The following ADGRG6 variants were observed in gnomAD, a reference collection of about 807,000 sequenced individuals.
ADGRG6 encodes G-protein coupled receptor 126.
Under a neutral mutation model 142.4 loss-of-function variants are expected in ADGRG6, and 84 were observed. That is an observed-to-expected ratio of 0.59 (90% confidence interval 0.49 to 0.71). The LOEUF (loss-of-function observed/expected upper bound fraction) is 0.71, where lower values mean the gene tolerates loss of function less well. ADGRG6 is among the 30% of genes least tolerant of loss of function. The pLI, the probability that ADGRG6 is intolerant of heterozygous loss-of-function variation, is 0.00. For missense variants in ADGRG6, 1,367 were observed against 1,466.6 expected (o/e 0.93, Z 1.11); for synonymous variants, 521 against 520.5 (o/e 1.00, Z -0.01).
At chr6:142,337,187 T>C (rs1447216638) in intron 2 of ADGRG6, among the ~76,000 whole-genome samples, 2 of 152,342 alleles carry the variant, frequency 1.3e-5, no homozygotes, top group East Asian at 1.9e-4. Flanking sequence ...TATACTGTTA[T>C]GTGTCTTCAA....
At position 142,383,051 on chromosome 6, in the gene ADGRG6, A is replaced by T. The variant is rs1179945779; in HGVS notation, c.1139-709A>T. 2.6e-5 allele frequency among the ~76,000 whole-genome samples: 4 copies of T among 152,164 alleles called. No homozygotes were observed. In the East Asian group the frequency reaches 7.7e-4, roughly 29 times the overall value. On this transcript the variant is annotated intron_variant, in intron 5 of 24. Transcript: ENST00000367609. ...TGGTTTTCAAATTGTTATATGAAAT[A>T]AAAAAATCTGTAATTCTGTTTAGTT...
chr6:142,314,776 A>G (rs183152147), intron 2 of ADGRG6, among the ~76,000 whole-genome samples: 10 of 152,306 alleles, frequency 6.6e-5, no homozygotes, highest in African/African-American at 2.4e-4. Flanking sequence ...TAAGTATCTC[A>G]AAGAGCAGAA....
At chr6:142,362,637 G>C (rs909108976) in intron 2 of ADGRG6, among the ~76,000 whole-genome samples, 5 of 152,156 alleles carry the variant, frequency 3.3e-5, no homozygotes, top group Non-Finnish European at 7.4e-5. Context: ...GAAAAATCTG[G>C]ATAGTGGTCT....
intron 22 of ADGRG6, among the ~76,000 whole-genome samples, chr6:142,429,051 G>A (rs1291111446): frequency 6.6e-6 from 1 of 152,048 alleles, no homozygotes; most frequent in Non-Finnish European, 1.5e-5. Flanking sequence ...AGAAAATTTT[G>A]TGGTATACAA....
intron 9 of ADGRG6, 63 bp from the exon 10 acceptor site, chr6:142,397,550 T>C: frequency 6.7e-7 from 1 of 1,497,390 alleles, no homozygotes; most frequent in Admixed American, 1.9e-5. Flanking sequence ...ACTCTGTTTC[T>C]CCTACCAAAT....
At chr6:142,431,279 A>G (rs1303627003) in intron 22 of ADGRG6, among the ~76,000 whole-genome samples, 2 of 152,124 alleles carry the variant, frequency 1.3e-5, no homozygotes, top group African/African-American at 2.4e-5. Context: ...CAAGGCAGTT[A>G]TCAAGCTGAA....
At chr6:142,399,460 A>G (rs567278943) in intron 10 of ADGRG6, among the ~76,000 whole-genome samples, 23 of 152,180 alleles carry the variant, frequency 1.5e-4, no homozygotes, top group Admixed American at 5.9e-4. Flanking sequence ...CCTTTCACGT[A>G]TAGGAGTCTT....
chr6:142,309,903 C>T (rs1486147010), intron 2 of ADGRG6, among the ~76,000 whole-genome samples: 4 of 151,506 alleles, frequency 2.6e-5, no homozygotes, highest in African/African-American at 7.3e-5. Flanking sequence ...TATTTATTTA[C>T]GTAGCCCATA....
At position 142,443,746 on chromosome 6, in the gene ADGRG6, C is replaced by A; in HGVS notation, c.*231C>A. The A allele has an allele frequency of 2.6e-6, 1 of 384,674 alleles. No individual in the cohort carries two copies. The highest frequency in any genetic ancestry group is 4.6e-6 in the Non-Finnish European group (1 of 215,954). 23.8% of individuals were successfully genotyped at this position (384,674 alleles called of 1,614,324 possible). On this transcript the variant is annotated 3_prime_UTR_variant, in exon 25 of 25. Coordinates refer to ENST00000367609, the MANE Select transcript of ADGRG6 (RefSeq NM_198569.3). ...TACTGAGAGTAACATGACTCAGTAG[C>A]CACAGAAGCTATGATTTGTAAAATA...
intron 2 of ADGRG6, among the ~76,000 whole-genome samples, chr6:142,330,783 TACTC>T (rs1468239690): frequency 1.3e-5 from 2 of 152,216 alleles, no homozygotes; most frequent in African/African-American, 2.4e-5. Context: ...ATTTACAACT[TACTC>T]TTTCCATTTT....
At chr6:142,400,662 C>A in intron 11 of ADGRG6, 66 bp downstream of exon 11, 1 of 800,650 alleles carries the variant, frequency 1.2e-6, no homozygotes, top group Non-Finnish European at 2.2e-6. Context: ...GTTATACGTG[C>A]AGCACGGTAG....
chr6:142,318,342 TATATTTATATATTATATA>T (rs1374983825), intron 2 of ADGRG6, among the ~76,000 whole-genome samples: 1 of 92,620 alleles, frequency 1.1e-5, no homozygotes, highest in African/African-American at 5.3e-5. Context: ...ATTTATATTA[TATATTTATATATTATATA>T]ATATTTATAT....
intron 18 of ADGRG6, among the ~76,000 whole-genome samples, chr6:142,413,981 A>C (rs1485897167): frequency 6.6e-6 from 1 of 151,562 alleles, no homozygotes; most frequent in African/African-American, 2.4e-5. Flanking sequence ...TGGCATTTTG[A>C]TGACAGTTAA....
chr6:142,380,647 C>T (rs142446024), intron 4 of ADGRG6, among the ~76,000 whole-genome samples: 2,125 of 152,292 alleles, frequency 0.014, 52 homozygotes, highest in African/African-American at 0.048. Context: ...CCCATCTCTA[C>T]TTTCTTACCC....
At chr6:142,330,857 A>G (rs1779021358) in intron 2 of ADGRG6, among the ~76,000 whole-genome samples, 1 of 152,166 alleles carries the variant, frequency 6.6e-6, no homozygotes, top group Non-Finnish European at 1.5e-5. Flanking sequence ...TCAATTTATT[A>G]TACATCAGAG....
chr6:142,358,566 T>C (rs568238700), intron 2 of ADGRG6, among the ~76,000 whole-genome samples: 4 of 152,324 alleles, frequency 2.6e-5, no homozygotes, highest in African/African-American at 9.6e-5. Context: ...AGGATCTTTG[T>C]TCACTGGTAG....
chr6:142,405,349 T>C (rs769626141), intron 14 of ADGRG6: 1 of 467,064 alleles, frequency 2.1e-6, no homozygotes, highest in South Asian at 1.5e-5. Context: ...ATAGTTATTA[T>C]CTTTCACTAC....
chr6:142,318,060 T>G (rs1233928060), intron 2 of ADGRG6, among the ~76,000 whole-genome samples: 2 of 54,728 alleles, frequency 3.7e-5, no homozygotes, highest in Admixed American at 7.2e-4. Context: ...TATATATTTA[T>G]ATTATATATA....
At chr6:142,332,957 G>A (rs1378316630) in intron 2 of ADGRG6, among the ~76,000 whole-genome samples, 1 of 152,136 alleles carries the variant, frequency 6.6e-6, no homozygotes, top group African/African-American at 2.4e-5. Flanking sequence ...AGTACACTAG[G>A]AAATATACTG....
Sources: allele counts gnomAD v4.1 joint callset (sites outside exome capture counted in the v4.1 genomes callset), GRCh38; gene constraint gnomAD v4.1.1; transcripts MANE v1.5; gene names NCBI Gene and HGNC (gene_info 2026-07-23, HGNC 2026-07-21).